The following RALYL variants were observed in gnomAD, a reference collection of about 807,000 sequenced individuals.
The protein encoded by RALYL is RALY RNA binding protein like, also known as RNA-binding Raly-like protein.
Under a neutral mutation model 35.1 loss-of-function variants are expected in RALYL, and 29 were observed. The observed-to-expected ratio is 0.83, with a 90% CI of 0.61 to 1.13. The LOEUF is 1.13. Ranked by LOEUF, RALYL falls within the 50% of genes most tolerant of loss-of-function variation. The pLI is 0.00. For synonymous variants in RALYL, 120 were observed against 127.6 expected, an observed-to-expected ratio of 0.94 and a Z score of 0.40; for missense variants, 359 against 360.4, an observed-to-expected ratio of 1.00 and a Z score of 0.03.
At chr8:84,693,995 G>A (rs1397295180) in intron 2 of RALYL, among the ~76,000 whole-genome samples, 1 of 151,560 alleles carries the variant, frequency 6.6e-6, no homozygotes, top group African/African-American at 2.4e-5. Flanking sequence ...CATATCTGAG[G>A]AACCCACAGC....
intron 4 of RALYL, among the ~76,000 whole-genome samples, chr8:84,819,447 G>C (rs1395491638): frequency 6.6e-6 from 1 of 152,246 alleles, no homozygotes; most frequent in South Asian, 2.1e-4. Context: ...CACTATGATG[G>C]CATATACAAT....
intron 3 of RALYL, among the ~76,000 whole-genome samples, chr8:84,783,357 A>G (rs1273203022): frequency 2.0e-5 from 3 of 152,338 alleles, no homozygotes; most frequent in African/African-American, 7.2e-5. Context: ...GGTGCACATC[A>G]CAGGCAACCT....
chr8:84,659,535 C>T (rs1830533377), intron 2 of RALYL, among the ~76,000 whole-genome samples: 1 of 152,106 alleles, frequency 6.6e-6, no homozygotes, highest in South Asian at 2.1e-4. Context: ...CCCGCTCTTC[C>T]TTAAAGGGGA....
At chr8:84,423,484 G>A (rs1252205240) in intron 1 of RALYL, among the ~76,000 whole-genome samples, 14 of 151,976 alleles carry the variant, frequency 9.2e-5, no homozygotes, top group African/African-American at 2.9e-4. Context: ...GCACACTGAT[G>A]GATCTTGACT....
chr8:84,449,167 G>T (rs1236145635), intron 1 of RALYL, among the ~76,000 whole-genome samples: 2 of 151,170 alleles, frequency 1.3e-5, no homozygotes, highest in African/African-American at 2.4e-5. Context: ...CATAAGTTTG[G>T]GTCACCTAAA....
chr8:84,654,773 G>T (rs1160807573), intron 2 of RALYL, among the ~76,000 whole-genome samples: 1 of 151,968 alleles, frequency 6.6e-6, no homozygotes, highest in Non-Finnish European at 1.5e-5. Context: ...ATTTTTATTT[G>T]TGACTAAATT....
intron 1 of RALYL, among the ~76,000 whole-genome samples, chr8:84,388,562 A>G (rs138661016): frequency 0.016 from 2,444 of 152,114 alleles, 25 homozygotes; most frequent in Middle Eastern, 0.044. Flanking sequence ...ATCTCATTGT[A>G]GTTTTGATTT....
At chr8:84,798,192 G>A (rs2133934942) in intron 3 of RALYL, among the ~76,000 whole-genome samples, 1 of 152,128 alleles carries the variant, frequency 6.6e-6, no homozygotes, top group African/African-American at 2.4e-5. Flanking sequence ...TGTCTCACCT[G>A]AGCTTTGAGC....
chr8:84,544,915 C>A (rs1407534190), intron 2 of RALYL, among the ~76,000 whole-genome samples: 1 of 151,766 alleles, frequency 6.6e-6, no homozygotes, highest in Non-Finnish European at 1.5e-5. Flanking sequence ...ATTTGTATTT[C>A]TCTTATTATA....
At chr8:84,871,925 G>A (rs919167855) in intron 6 of RALYL, among the ~76,000 whole-genome samples, 1 of 150,596 alleles carries the variant, frequency 6.6e-6, no homozygotes, top group Non-Finnish European at 1.5e-5. Context: ...AACATAAATT[G>A]CATTTTGTTT....
chr8:84,801,311 T>G (rs540152672), intron 3 of RALYL, among the ~76,000 whole-genome samples: 1 of 152,284 alleles, frequency 6.6e-6, no homozygotes, highest in African/African-American at 2.4e-5. Context: ...AATAATCTTT[T>G]TTTCTTTCAG....
chr8:84,883,731 G>A (rs1379294145), intron 7 of RALYL, among the ~76,000 whole-genome samples: 1 of 152,002 alleles, frequency 6.6e-6, no homozygotes, highest in African/African-American at 2.4e-5. Flanking sequence ...TAAAAAGGCT[G>A]TGTTGAAACC....
intron 8 of RALYL, among the ~76,000 whole-genome samples, chr8:84,917,640 C>A (rs1314017151): frequency 6.6e-6 from 1 of 151,224 alleles, no homozygotes; most frequent in African/African-American, 2.4e-5. Context: ...CTGTCCTATA[C>A]TCTAAATGGC....
rs574697642 is a variant in RALYL, at chr8:84,784,620, T to A, written c.332+9966T>A. 7.3e-4 allele frequency among the ~76,000 whole-genome samples: 111 copies of A among 152,336 alleles called. 1 individual carries two copies. The highest frequency in any genetic ancestry group is 2.6e-3 in the African/African-American group (107 of 41,576). ...GGTAGAAAAGTGGCTTATAGGTTTT[T>A]TAAGTGTTGGTTGGTTTTAATTATA... On this transcript the variant is annotated intron_variant, in intron 3 of 8. Transcript: ENST00000521268.
chr8:84,611,031 T>A (rs1313942825), intron 2 of RALYL, among the ~76,000 whole-genome samples: 1 of 152,168 alleles, frequency 6.6e-6, no homozygotes, highest in Non-Finnish European at 1.5e-5. Flanking sequence ...CATTTGAAAC[T>A]AAGATCTGGA....
chr8:84,642,149 A>C (rs1236273360), intron 2 of RALYL, among the ~76,000 whole-genome samples: 1 of 152,046 alleles, frequency 6.6e-6, no homozygotes, highest in Non-Finnish European at 1.5e-5. Context: ...ATGTGTGCAC[A>C]AAGATCCAAT....
chr8:84,584,953 C>G (rs10095177), intron 2 of RALYL, among the ~76,000 whole-genome samples: 1,575 of 152,182 alleles, frequency 0.01, 21 homozygotes, highest in African/African-American at 0.036. Flanking sequence ...GTGGTTTGCC[C>G]TAGAGCAGCC....
chr8:84,222,127 A>G (rs908171463), intron 1 of RALYL, among the ~76,000 whole-genome samples: 1 of 152,096 alleles, frequency 6.6e-6, no homozygotes, highest in African/African-American at 2.4e-5. Flanking sequence ...ATTAATTTCC[A>G]AAATAGTGCA....
intron 1 of RALYL, among the ~76,000 whole-genome samples, chr8:84,402,862 G>A (rs2043055747): frequency 6.6e-6 from 1 of 152,280 alleles, no homozygotes; most frequent in South Asian, 2.1e-4. Context: ...TCTAACTGGT[G>A]TGAGATGGTA....
Sources: gnomAD v4.1 joint callset for allele counts (sites outside exome capture counted in the v4.1 genomes callset) on GRCh38, gnomAD v4.1.1 for gene constraint, MANE v1.5 for transcripts, NCBI Gene and HGNC (gene_info 2026-07-23, HGNC 2026-07-21) for gene names.